The following ALX4 variants were observed in gnomAD, a reference collection of about 807,000 sequenced individuals.
ALX4 encodes the protein homeobox protein aristaless-like 4.
Under a neutral mutation model 40.6 loss-of-function variants are expected in ALX4, and 22 were observed. The ratio of observed to expected loss-of-function variants is 0.54; its 90% CI spans 0.39 to 0.77. ALX4 has a LOEUF of 0.77. Ranked by LOEUF, ALX4 falls within the 30% of genes least tolerant of loss-of-function variation. The pLI, the probability that ALX4 is intolerant of heterozygous loss-of-function variation, is 0.00. For synonymous variants in ALX4, 266 were observed against 240.5 expected (o/e 1.11, Z -0.98); for missense variants, 556 against 564.8 (o/e 0.98, Z 0.16).
chr11:44,264,278 C>T lies in ALX4; in HGVS notation c.*576G>A, dbSNP rs986152359. On this transcript the variant is annotated 3_prime_UTR_variant, in exon 4 of 4. Coordinates refer to ENST00000652299, the MANE Select transcript of ALX4 (RefSeq NM_021926.4). ...ATGCAGTCAGCCAGGCTCTGTCAGA[C>T]TCGTCACTGTTCGGGGGGAGGTGGA... The T allele has an allele frequency of 6.3e-6, 1 of 159,410 alleles. No individual in the cohort carries two copies. Among genetic ancestry groups the T allele is most frequent in the African/African-American group, 2.4e-5 (1 of 41,584 alleles). 9.9% of individuals were successfully genotyped at this position (159,410 alleles called of 1,614,324 possible). A position where few individuals can be genotyped will look rare whatever the true frequency, so the allele number is the denominator to read the frequency against.
intron 1 of ALX4, among the ~76,000 whole-genome samples, chr11:44,280,469 T>A (rs1956303239): frequency 6.6e-6 from 1 of 152,174 alleles, no homozygotes. Flanking sequence ...CCAGCGTGGG[T>A]CCAGGCCACC....
chr11:44,293,553 GATA>G (rs1956385628), intron 1 of ALX4, among the ~76,000 whole-genome samples: 1 of 152,198 alleles, frequency 6.6e-6, no homozygotes, highest in Non-Finnish European at 1.5e-5. Context: ...CCTGCAACGG[GATA>G]GATCTCCTGA....
At chr11:44,303,684 C>T (rs1026629304) in intron 1 of ALX4, among the ~76,000 whole-genome samples, 1 of 152,206 alleles carries the variant, frequency 6.6e-6, no homozygotes, top group Admixed American at 6.5e-5. Flanking sequence ...GGTGGAGAAG[C>T]CGCTCTTTGT....
intron 2 of ALX4, among the ~76,000 whole-genome samples, chr11:44,271,394 G>A (rs958420852): frequency 1.3e-5 from 2 of 152,300 alleles, no homozygotes; most frequent in Admixed American, 1.3e-4. Flanking sequence ...TCCCACCTAT[G>A]GGCCTCTTCT....
chr11:44,288,373 C>T (rs1292572972), intron 1 of ALX4, among the ~76,000 whole-genome samples: 1 of 152,034 alleles, frequency 6.6e-6, no homozygotes, highest in Admixed American at 6.6e-5. Flanking sequence ...TCTTTGTAGT[C>T]CACTTATAAC....
At chr11:44,282,370 C>T (rs1956314895) in intron 1 of ALX4, among the ~76,000 whole-genome samples, 2 of 152,166 alleles carry the variant, frequency 1.3e-5, no homozygotes, top group East Asian at 1.9e-4. Context: ...GTATGGAGCA[C>T]CCGGAACTCC....
intron 2 of ALX4, among the ~76,000 whole-genome samples, chr11:44,268,919 C>T (rs1273332622): frequency 6.6e-6 from 1 of 152,254 alleles, no homozygotes; most frequent in South Asian, 2.1e-4. Context: ...TGACAATAGC[C>T]TCAGCTGCAG....
At position 44,275,501 on chromosome 11, in the gene ALX4, C is replaced by G. The variant is rs1440914540; in HGVS notation, c.624G>C (p.Glu208Asp). The change falls in exon 2 of 4, where the codon GAG becomes GAC. Residue 208 changes from glutamate (E) to aspartate (D), a missense_variant. By Grantham distance (45) the Glu-to-Asp change is conservative (BLOSUM62 2). Coordinates refer to ENST00000652299, the MANE Select transcript of ALX4 (RefSeq NM_021926.4). ...LPSPLEKADS[E>D]SNKGKKRRNR... is the part of the protein sequence containing the mutation. ...TCCGCCGCTTCTTGCCCTTGTTGCT[C>G]TCTGAGTCGGCCTTCTCCAATGGGC... 1.2e-6 allele frequency: 2 copies of G among 1,614,072 alleles called. No individual in the cohort carries two copies. Among genetic ancestry groups the G allele is most frequent in the Non-Finnish European group, 1.7e-6 (2 of 1,179,914 alleles).
At chr11:44,273,911 C>G (rs970046761) in intron 2 of ALX4, among the ~76,000 whole-genome samples, 1 of 152,078 alleles carries the variant, frequency 6.6e-6, no homozygotes, top group African/African-American at 2.4e-5. Flanking sequence ...CATGATCACA[C>G]CACTGTACTC....
intron 1 of ALX4, among the ~76,000 whole-genome samples, chr11:44,307,064 T>A (rs74714706): frequency 0.025 from 3,773 of 152,142 alleles, 159 homozygotes; most frequent in African/African-American, 0.087. Flanking sequence ...CAGCCTGCAG[T>A]TTATGACCCA....
intron 2 of ALX4, among the ~76,000 whole-genome samples, chr11:44,274,179 G>A (rs1395728470): frequency 6.6e-6 from 1 of 152,144 alleles, no homozygotes; most frequent in East Asian, 1.9e-4. Flanking sequence ...TTTTTAAGAA[G>A]ATAAAATAGG....
At chr11:44,274,858 G>A (rs557831452) in intron 2 of ALX4, among the ~76,000 whole-genome samples, 4 of 152,332 alleles carry the variant, frequency 2.6e-5, no homozygotes, top group Non-Finnish European at 4.4e-5. Context: ...GTATGAGTTG[G>A]GACTTGAAAA....
chr11:44,284,668 G>A (rs1956328252), intron 1 of ALX4, among the ~76,000 whole-genome samples: 1 of 152,172 alleles, frequency 6.6e-6, no homozygotes, highest in South Asian at 2.1e-4. Flanking sequence ...GAGGTTCAGA[G>A]ACCTGCTTCC....
At chr11:44,275,276 C>T in intron 2 of ALX4, 72 bp downstream of exon 2, 1 of 1,513,462 alleles carries the variant, frequency 6.6e-7, no homozygotes, top group East Asian at 2.3e-5. Flanking sequence ...AGTCAGGAGA[C>T]CCCAACTGCA....
chr11:44,303,857 C>T (rs146304088), intron 1 of ALX4, among the ~76,000 whole-genome samples: 3 of 152,330 alleles, frequency 2.0e-5, no homozygotes, highest in Admixed American at 6.5e-5. Context: ...GTTGTTGTCC[C>T]GGGTTTACTC....
intron 1 of ALX4, among the ~76,000 whole-genome samples, chr11:44,297,468 A>C (rs938218254): frequency 6.6e-6 from 1 of 152,090 alleles, no homozygotes; most frequent in Non-Finnish European, 1.5e-5. Flanking sequence ...TTGTAATCCC[A>C]GCAATTTGGG....
rs55959427 is a variant in ALX4, at chr11:44,262,958, T to C, written c.*1896A>G. 13,162 of 152,220 alleles carry C rather than the reference T, an allele frequency of 0.086. 658 individuals carry two copies. Among genetic ancestry groups the C allele is most frequent in the Middle Eastern group, 0.18 (52 of 292 alleles). The allele number at this position is 152,220 out of a possible 1,614,324, so 9.4% of individuals were successfully genotyped here. The stretch of plus-strand genomic sequence containing the variant: ...AGCCAAGCCTCCAAGAACATTTAAT[T>C]CAATGTCCAAGACCCTTTCACCTCT... On this transcript the variant is annotated 3_prime_UTR_variant, in exon 4 of 4. Transcript: ENST00000652299.
At position 44,303,362 on chromosome 11, in the gene ALX4, C is replaced by T. The variant is rs555267717; in HGVS notation, c.466+6235G>A. 3.2e-3 allele frequency among the ~76,000 whole-genome samples: 480 copies of T among 152,244 alleles called. 3 individuals carry two copies. The highest frequency in any genetic ancestry group is 0.011 in the African/African-American group (451 of 41,534). On this transcript the variant is annotated intron_variant, in intron 1 of 3. Transcript: ENST00000652299. ...CCCAGCAGCCTTGACCAAGCGGTCC[C>T]GAGTACAAGCGGCGCCTTCACCGGG... is the stretch of plus-strand genomic sequence containing the variant.
intron 1 of ALX4, among the ~76,000 whole-genome samples, chr11:44,293,974 A>G (rs944756353): frequency 6.6e-6 from 1 of 152,128 alleles, no homozygotes; most frequent in African/African-American, 2.4e-5. Context: ...TAGCCCACGT[A>G]CAACATGCAG....
Sources: allele counts gnomAD v4.1 joint callset (sites outside exome capture counted in the v4.1 genomes callset), GRCh38; gene constraint gnomAD v4.1.1; transcripts MANE v1.5; gene names NCBI Gene and HGNC (gene_info 2026-07-23, HGNC 2026-07-21).